The following ADPRH variants were observed in gnomAD, a reference collection of about 807,000 sequenced individuals.
ADPRH encodes the protein ADP-ribose-L-arginine cleaving enzyme.
ADPRH carries 27 observed loss-of-function variants against 28.8 expected under a neutral mutation model. That is an observed-to-expected ratio of 0.94 (90% CI 0.69 to 1.29). ADPRH has a LOEUF of 1.29. Ranked by LOEUF, ADPRH falls within the 50% of genes most tolerant of loss-of-function variation. The pLI, the probability that ADPRH is intolerant of heterozygous loss-of-function variation, is 0.00. For missense variants in ADPRH, 419 were observed against 444.8 expected (o/e 0.94, Z 0.52); for synonymous variants, 161 against 166.9 (o/e 0.96, Z 0.27).
chr3:119,581,520 C>G (rs1005273253), intron 2 of ADPRH, among the ~76,000 whole-genome samples: 1 of 152,150 alleles, frequency 6.6e-6, no homozygotes, highest in African/African-American at 2.4e-5. Context: ...GGTGTGATAC[C>G]AAGCATCCTG....
chr3:119,585,111 C>T (rs1458034673), intron 3 of ADPRH, among the ~76,000 whole-genome samples: 1 of 152,216 alleles, frequency 6.6e-6, no homozygotes, highest in Non-Finnish European at 1.5e-5. Context: ...CTTCCCATCA[C>T]CATACCAAGG....
intron 4 of ADPRH, 38 bp from the exon 5 acceptor site, chr3:119,587,426 T>G: frequency 2.7e-6 from 4 of 1,467,634 alleles, no homozygotes; most frequent in Non-Finnish European, 3.6e-6. Flanking sequence ...TTTCACTTTA[T>G]TTTTTTCAAT....
At chr3:119,580,938 T>C (rs772243840) in intron 2 of ADPRH, among the ~76,000 whole-genome samples, 4 of 152,216 alleles carry the variant, frequency 2.6e-5, no homozygotes, top group Admixed American at 2.6e-4. Context: ...AACATTACTG[T>C]CGAAGGAAAG....
At position 119,589,674 on chromosome 3, in the gene ADPRH, A is replaced by T. The variant is rs191687925; in HGVS notation, c.*1796A>T. 14 of 152,332 alleles carry T rather than the reference A, an allele frequency of 9.2e-5. No individual in the cohort carries two copies. Among genetic ancestry groups the T allele is most frequent in the Admixed American group, 3.9e-4 (6 of 15,306 alleles). The allele number at this position is 152,332 out of a possible 1,614,324, so 9.4% of individuals were successfully genotyped here. A position where few individuals can be genotyped will look rare whatever the true frequency, so the allele number is the denominator to read the frequency against. ...AACAACAGGAAAAGGCTCTTTAGAG[A>T]TCCTATTAGATTTGCTTTGCCGATT... On this transcript the variant is annotated 3_prime_UTR_variant, in exon 5 of 5. Transcript: ENST00000357003.
intron 4 of ADPRH, 71 bp from the exon 5 acceptor site, chr3:119,587,393 A>G: frequency 7.6e-7 from 1 of 1,313,514 alleles, no homozygotes. Flanking sequence ...TCACACATCC[A>G]TCTGGTGCTT....
In ADPRH at chr3:119,589,363, C is replaced by T. The variant is rs187239904; in HGVS notation, c.*1485C>T. ...TGTTCTCAGGGGTGGGAAGGAAGAGCGTCCCTTCCTTCTCCTTTTGAGAAA... is the reference window on the plus strand; with the variant it reads ...TGTTCTCAGGGGTGGGAAGGAAGAGTGTCCCTTCCTTCTCCTTTTGAGAAA... On this transcript the variant is annotated 3_prime_UTR_variant, in exon 5 of 5. Transcript: ENST00000357003. The T allele has an allele frequency of 2.0e-5, 3 of 152,322 alleles. No individual in the cohort carries two copies. The highest frequency in any genetic ancestry group is 1.3e-4 in the Admixed American group (2 of 15,290). 9.4% of individuals were successfully genotyped at this position (152,322 alleles called of 1,614,324 possible). A position where few individuals can be genotyped will look rare whatever the true frequency, so the allele number is the denominator to read the frequency against.
chr3:119,581,374 A>G (rs2082403956), intron 2 of ADPRH, among the ~76,000 whole-genome samples: 1 of 152,168 alleles, frequency 6.6e-6, no homozygotes, highest in Non-Finnish European at 1.5e-5. Flanking sequence ...AGCCAACTTT[A>G]TGAAATTTAA....
chr3:119,586,304 C>T lies in ADPRH; in HGVS notation c.318C>T (p.Asn106=), dbSNP rs781238699. The T allele has an allele frequency of 4.3e-5, 70 of 1,613,352 alleles. No individual in the cohort carries two copies. Among genetic ancestry groups the T allele is most frequent in the East Asian group, 1.3e-4 (6 of 44,904 alleles). The change falls in exon 4 of 5, where the codon AAC becomes AAT. Residue 106 remains asparagine, a synonymous_variant. Transcript: ENST00000357003. ...CCCCAGGTGGTGCCTCGGTGCACAA[C>T]GCCATGCAGCTGAAGCCGGGCAAGC... ...GRAPGGASVH[N]AMQLKPGKPN...
chr3:119,582,899 C>T (rs2082421128), intron 3 of ADPRH, among the ~76,000 whole-genome samples: 1 of 152,270 alleles, frequency 6.6e-6, no homozygotes, highest in East Asian at 1.9e-4. Context: ...ACTGCACATG[C>T]GAGGGATCTA....
intron 4 of ADPRH, among the ~76,000 whole-genome samples, chr3:119,587,197 C>T (rs149426655): frequency 2.6e-3 from 400 of 152,324 alleles, no homozygotes; most frequent in African/African-American, 9.3e-3. Context: ...GGAAAACAAA[C>T]CTGTATTTCT....
rs2082484195 is a variant in ADPRH, at chr3:119,588,267, A to G, written c.*389A>G. The G allele has an allele frequency of 6.3e-6, 1 of 159,198 alleles. No individual in the cohort carries two copies. Among genetic ancestry groups the G allele is most frequent in the Non-Finnish European group, 1.4e-5 (1 of 73,122 alleles). 9.9% of individuals were successfully genotyped at this position (159,198 alleles called of 1,614,324 possible). A position where few individuals can be genotyped will look rare whatever the true frequency, so the allele number is the denominator to read the frequency against. The stretch of plus-strand genomic sequence containing the variant: ...AGCAGTTTATATGGGAGATGATTCC[A>G]GGAAATACCGATATGAGAATGGGGA... On this transcript the variant is annotated 3_prime_UTR_variant, in exon 5 of 5. Coordinates refer to ENST00000357003, the MANE Select transcript of ADPRH (RefSeq NM_001125.4).
intron 3 of ADPRH, among the ~76,000 whole-genome samples, chr3:119,583,643 G>T (rs2082427697): frequency 6.6e-6 from 1 of 152,098 alleles, no homozygotes; most frequent in African/African-American, 2.4e-5. Context: ...CAAGTGCTGT[G>T]GCTTACACCT....
rs1368844859 is a variant in ADPRH at position 119,589,836 on chromosome 3, GAGAA to G, written c.*1962_*1965del. ...TCTTTATGTGTGTGTATGTGTGTCA[GAGAA>G]AGAGAGAGAGAGAGAGAGAAGGGAG... On this transcript the variant is annotated 3_prime_UTR_variant, in exon 5 of 5. Coordinates refer to ENST00000357003, the MANE Select transcript of ADPRH (RefSeq NM_001125.4). 3 of 151,158 alleles carry G rather than the reference GAGAA, an allele frequency of 2.0e-5. No homozygotes were observed. Among genetic ancestry groups the G allele is most frequent in the African/African-American group, 4.9e-5 (2 of 40,512 alleles). 9.4% of individuals were successfully genotyped at this position (151,158 alleles called of 1,614,324 possible). A position where few individuals can be genotyped will look rare whatever the true frequency, so the allele number is the denominator to read the frequency against.
rs752720813 is a variant in ADPRH at position 119,586,365 on chromosome 3, G to T, written c.379G>T (p.Gly127Cys). ...GAGGATTCCCTTCAACAGCCATGAG[G>T]GCGGCTGTGGGGCTGCCATGCGGGC... ...GWRIPFNSHEGGCGAAMRAMC... is the reference protein window; with the variant it reads ...GWRIPFNSHECGCGAAMRAMC... The change falls in exon 4 of 5, where the codon GGC becomes TGC. Residue 127 changes from glycine (G) to cysteine (C), a missense_variant. Coordinates refer to ENST00000357003, the MANE Select transcript of ADPRH (RefSeq NM_001125.4). The T allele has an allele frequency of 6.2e-7, 1 of 1,614,242 alleles. No individual in the cohort carries two copies. The highest frequency in any genetic ancestry group is 1.7e-5 in the Admixed American group (1 of 60,026).
In ADPRH at chr3:119,582,227, T is replaced by C; in HGVS notation, c.58T>C (p.Tyr20His). Residue 20 changes from tyrosine to histidine, a missense_variant, in exon 3 of 5, where the codon TAC (tyrosine) becomes CAC (histidine). Tyr to His is a moderately conservative substitution (Grantham distance 83). Transcript: ENST00000357003. ...TGCAGCTGGAGATGCCCTGGGGTAC[T>C]ACAATGGGAAGTGGGAGTTCCTCCA... ...LSAAGDALGY[Y>H]NGKWEFLQDG... is the part of the protein sequence containing the mutation. 4 of 1,614,172 alleles carry C rather than the reference T, an allele frequency of 2.5e-6. No homozygotes were observed. The highest frequency in any genetic ancestry group is 3.4e-6 in the Non-Finnish European group (4 of 1,180,004).
chr3:119,586,228 G>A (rs2242494), intron 3 of ADPRH, 57 bp from the exon 4 acceptor site: 212,886 of 1,593,642 alleles, frequency 0.13, 15,264 homozygotes, highest in East Asian at 0.22. Context: ...ATTTATTCCT[G>A]CTGGGGCCTT....
At chr3:119,582,080 TC>T in intron 2 of ADPRH, 53 bp from the exon 3 acceptor site, 2 of 1,239,118 alleles carry the variant, frequency 1.6e-6, no homozygotes, top group Non-Finnish European at 2.3e-6. Context: ...CGTTGTTTTT[TC>T]TGATTCTTCT....
rs201822828 is a variant in ADPRH, at chr3:119,582,266, A to G, written c.97A>G (p.Ile33Val). Residue 33 changes from isoleucine to valine, a missense_variant, in exon 3 of 5, where the codon ATA becomes GTA. Coordinates refer to ENST00000357003, the MANE Select transcript of ADPRH (RefSeq NM_001125.4). ...GGAGTTCCTCCAGGATGGGGAGAAG[A>G]TACACCGGCAGTTGGCCCAGCTGGG... The part of the protein sequence containing the change: ...KWEFLQDGEK[I>V]HRQLAQLGGL... 1.1e-4 allele frequency: 182 copies of G among 1,614,188 alleles called. 2 individuals carry two copies. Among genetic ancestry groups the G allele is most frequent in the Middle Eastern group, 4.9e-4 (3 of 6,062 alleles).
Position 119,587,842 on chromosome 3 carries a change from T to C in ADPRH, c.1038T>C (p.Ser346=). ...RLEETARALY[S]LGSKEDTVIS... ...AAGAGACAGCTAGGGCTTTATATTC[T>C]CTCGGGTCAAAAGAAGACACTGTAA... Residue 346 remains serine, a synonymous_variant, in exon 5 of 5, where the codon TCT becomes TCC. Transcript: ENST00000357003. The C allele has an allele frequency of 1.9e-6, 3 of 1,610,458 alleles. No homozygotes were observed. The South Asian group carries it at 3.3e-5, about 18-fold the overall frequency.
Sources: gnomAD v4.1 joint callset for allele counts (sites outside exome capture counted in the v4.1 genomes callset) on GRCh38, gnomAD v4.1.1 for gene constraint, MANE v1.5 for transcripts, NCBI Gene and HGNC (gene_info 2026-07-23, HGNC 2026-07-21) for gene names.